FSD2: variants seen among roughly 807,000 people sequenced by gnomAD.
The protein encoded by FSD2 is fibronectin type III and SPRY domain-containing protein 2.
Under a neutral mutation model 80.4 loss-of-function variants are expected in FSD2, and 71 were observed. The ratio of observed to expected loss-of-function variants is 0.88; its 90% CI spans 0.73 to 1.08. The LOEUF (loss-of-function observed/expected upper bound fraction) is 1.08. Among genes scored for constraint, FSD2 ranks in the 50% least tolerant of loss-of-function variants. FSD2 has a pLI of 0.00. For synonymous variants in FSD2, 361 were observed against 329.5 expected (o/e 1.10, Z -1.03); for missense variants, 923 against 913.8 (o/e 1.01, Z -0.13).
intron 5 of FSD2, among the ~76,000 whole-genome samples, chr15:82,779,259 C>A (rs2049793836): frequency 6.6e-6 from 1 of 152,128 alleles, no homozygotes; most frequent in Admixed American, 6.6e-5. Flanking sequence ...TCCAGACTCC[C>A]CAGGCTTCCT....
At chr15:82,781,248 C>G (rs765825281) in intron 4 of FSD2, among the ~76,000 whole-genome samples, 4 of 152,268 alleles carry the variant, frequency 2.6e-5, no homozygotes, top group Non-Finnish European at 5.9e-5. Context: ...AGAAGCCCAC[C>G]TTCATGTTTA....
chr15:82,773,840 T>G (rs1376371975), intron 6 of FSD2, among the ~76,000 whole-genome samples: 1 of 152,116 alleles, frequency 6.6e-6, no homozygotes, highest in Non-Finnish European at 1.5e-5. Context: ...GCAAAAGAAT[T>G]TATCAGGGTG....
In FSD2 at chr15:82,758,355, C is replaced by T. The variant is rs1423026307; in HGVS notation, c.*993G>A. The T allele has an allele frequency of 6.6e-6, 1 of 152,324 alleles. No homozygotes were observed. The highest frequency in any genetic ancestry group is 1.5e-5 in the Non-Finnish European group (1 of 68,072). The allele number at this position is 152,324 out of a possible 1,614,324, so 9.4% of individuals were successfully genotyped here. On this transcript the variant is annotated 3_prime_UTR_variant, in exon 13 of 13. Transcript: ENST00000334574. Reference sequence around the variant, plus strand: ...CTGATGGAGTTGGGCATTGAGCTCACAGAATGGCCTGGGGGCAGTGAGGCA... The same window carrying T: ...CTGATGGAGTTGGGCATTGAGCTCATAGAATGGCCTGGGGGCAGTGAGGCA...
Position 82,769,801 on chromosome 15 carries a change from G to A in FSD2, c.1351C>T (p.His451Tyr), listed in dbSNP as rs1248842335. Residue 451 changes from histidine (H) to tyrosine (Y), a missense_variant, in exon 8 of 13, where the codon CAC becomes TAC. By Grantham distance (83) the His-to-Tyr change is moderately conservative (BLOSUM62 2). Transcript: ENST00000334574. ...GAGGGGCTGGGGCCAGCCCTGTTGT[G>A]AGCTGTGACCCAAAATTCATACTGG... is the stretch of plus-strand genomic sequence containing the variant. ...NTQYEFWVTA[H>Y]NRAGPSPSSE... 1 of 1,613,874 alleles carries A rather than the reference G, an allele frequency of 6.2e-7. No homozygotes were observed. Among genetic ancestry groups the A allele is most frequent in the Admixed American group, 1.7e-5 (1 of 60,020 alleles).
At chr15:82,765,685 G>T (rs529717334) in intron 10 of FSD2, among the ~76,000 whole-genome samples, 1 of 152,134 alleles carries the variant, frequency 6.6e-6, no homozygotes, top group Non-Finnish European at 1.5e-5. Context: ...TAACCTATTT[G>T]CCAAGGGAAA....
In FSD2 at chr15:82,759,076, T is replaced by G. The variant is rs1056840488; in HGVS notation, c.*272A>C. On this transcript the variant is annotated 3_prime_UTR_variant, in exon 13 of 13. Transcript: ENST00000334574. Reference sequence around the variant, plus strand: ...ATTTTGCATATACACGAATATAGTTTGACAGCTTCAAAGACTTTTGAGTTC... The same window carrying G: ...ATTTTGCATATACACGAATATAGTTGGACAGCTTCAAAGACTTTTGAGTTC... 6 of 401,128 alleles carry G rather than the reference T, an allele frequency of 1.5e-5. No homozygotes were observed. The highest frequency in any genetic ancestry group is 1.2e-4 in the African/African-American group (6 of 49,288). The allele number at this position is 401,128 out of a possible 1,614,324, so 24.8% of individuals were successfully genotyped here.
intron 1 of FSD2, among the ~76,000 whole-genome samples, chr15:82,798,205 C>T (rs1041061585): frequency 6.6e-6 from 1 of 151,962 alleles, no homozygotes; most frequent in African/African-American, 2.4e-5. Context: ...ACTAGCCCAG[C>T]GTGGTGGTGT....
chr15:82,764,492 C>CTTTTTTTTTGTTTTTTTTTTT (rs2049362727), intron 11 of FSD2, among the ~76,000 whole-genome samples: 1 of 86,178 alleles, frequency 1.2e-5, no homozygotes, highest in Admixed American at 1.3e-4. Flanking sequence ...TCTTTACTTG[C>CTTTTTTTTTGTTTTTTTTTTT]TTTTTTTTTT....
Position 82,786,556 on chromosome 15 carries a change from C to T in FSD2, c.690G>A (p.Met230Ile). The T allele has an allele frequency of 6.2e-7, 1 of 1,613,602 alleles. No homozygotes were observed. Among genetic ancestry groups the T allele is most frequent in the Non-Finnish European group, 8.5e-7 (1 of 1,179,700 alleles). ...CCTCCAAATGATTTGCAAAGTTTTC[C>T]ATCTCAATTATCTGCTTTTCCAATT... ...MYKLEKQIIEMENFANHLEEV... is the reference protein window; with the variant it reads ...MYKLEKQIIEIENFANHLEEV... The change falls in exon 3 of 13, where the codon ATG (methionine) becomes ATA (isoleucine). Residue 230 changes from methionine (M) to isoleucine (I), a missense_variant. Coordinates refer to ENST00000334574, the MANE Select transcript of FSD2 (RefSeq NM_001007122.4).
chr15:82,797,390 G>A (rs2050301436), intron 1 of FSD2, among the ~76,000 whole-genome samples: 1 of 152,182 alleles, frequency 6.6e-6, no homozygotes, highest in South Asian at 2.1e-4. Flanking sequence ...AAAGCGGAAA[G>A]ACAATTGACC....
chr15:82,802,856 A>G (rs1370440972), intron 1 of FSD2, among the ~76,000 whole-genome samples: 2 of 152,166 alleles, frequency 1.3e-5, no homozygotes, highest in Non-Finnish European at 2.9e-5. Context: ...GCACCCATGC[A>G]GAGGTCATCT....
Position 82,763,016 on chromosome 15 carries a change from C to G in FSD2, c.1821-738G>C, listed in dbSNP as rs551405138. ...CAGTTTAAAATTTTCTCTCTACTTT[C>G]AAAACCCCAAGTTCTTACTGCTCAA... On this transcript the variant is annotated intron_variant, in intron 11 of 12. Coordinates refer to ENST00000334574, the MANE Select transcript of FSD2 (RefSeq NM_001007122.4). Among the ~76,000 whole-genome samples, 13 of 152,328 alleles carry G rather than the reference C, an allele frequency of 8.5e-5. No homozygotes were observed. The South Asian group carries it at 2.3e-3, about 27-fold the overall frequency.
At position 82,778,764 on chromosome 15, in the gene FSD2, A is replaced by C. The variant is rs1276065021; in HGVS notation, c.1111+2T>G. ...CCGCGAAGTACACACACAGGTGAGCACCTGGAATGGTGTTAATGGAGCCCA... is the reference window on the plus strand; with the variant it reads ...CCGCGAAGTACACACACAGGTGAGCCCCTGGAATGGTGTTAATGGAGCCCA... On this transcript the variant is annotated splice_donor_variant, in intron 6 of 12. Coordinates refer to ENST00000334574, the MANE Select transcript of FSD2 (RefSeq NM_001007122.4). LOFTEE classifies it high-confidence loss of function. 6.2e-7 allele frequency: 1 copy of C among 1,607,422 alleles called. No individual in the cohort carries two copies. Among genetic ancestry groups the C allele is most frequent in the South Asian group, 1.1e-5 (1 of 90,144 alleles).
Position 82,782,895 on chromosome 15 carries a change from T to G in FSD2, c.866A>C (p.Tyr289Ser), listed in dbSNP as rs2049902979. 6.2e-7 allele frequency: 1 copy of G among 1,613,864 alleles called. No homozygotes were observed. Among genetic ancestry groups the G allele is most frequent in the Non-Finnish European group, 8.5e-7 (1 of 1,179,848 alleles). ...EKKKEKLEAL[Y>S]GQLVSCGENL... ...TTCTCCACAGCTGACCAGTTGTCCA[T>G]ATAAGGCTTCCAGCTTCTCTTTCTT... The change falls in exon 4 of 13, where the codon TAT (tyrosine) becomes TCT (serine). Residue 289 changes from tyrosine (Y) to serine (S), a missense_variant. Physicochemically the swap from Tyr to Ser is moderately radical, Grantham distance 144. Coordinates refer to ENST00000334574, the MANE Select transcript of FSD2 (RefSeq NM_001007122.4).
chr15:82,769,434 A>G (rs2049506001), intron 8 of FSD2, among the ~76,000 whole-genome samples: 1 of 151,276 alleles, frequency 6.6e-6, no homozygotes, highest in Non-Finnish European at 1.5e-5. Flanking sequence ...AAAAAATCAG[A>G]TGTGGTGGCA....
chr15:82,771,999 G>A (rs951500069), intron 7 of FSD2, 74 bp downstream of exon 7: 32 of 1,406,070 alleles, frequency 2.3e-5, no homozygotes, highest in Non-Finnish European at 1.4e-5. Context: ...CAACTGCCAG[G>A]AAGACAGGGC....
At chr15:82,760,881 C>G (rs866670514) in intron 12 of FSD2, among the ~76,000 whole-genome samples, 4 of 152,150 alleles carry the variant, frequency 2.6e-5, no homozygotes, top group African/African-American at 9.7e-5. Flanking sequence ...TTATTCTTCC[C>G]TCTACACGTG....
chr15:82,763,034 C>T (rs1256389397), intron 11 of FSD2, among the ~76,000 whole-genome samples: 1 of 152,216 alleles, frequency 6.6e-6, no homozygotes, highest in Non-Finnish European at 1.5e-5. Flanking sequence ...CAAGTTCTTA[C>T]TGCTCAAGCA....
intron 7 of FSD2, among the ~76,000 whole-genome samples, chr15:82,771,101 A>T (rs1261560563): frequency 6.6e-6 from 1 of 151,972 alleles, no homozygotes; most frequent in Non-Finnish European, 1.5e-5. Flanking sequence ...TTTCTCAAGA[A>T]TTCCCCTTCT....
Sources: gnomAD v4.1 joint callset for allele counts (sites outside exome capture counted in the v4.1 genomes callset) on GRCh38, gnomAD v4.1.1 for gene constraint, MANE v1.5 for transcripts, NCBI Gene and HGNC (gene_info 2026-07-23, HGNC 2026-07-21) for gene names.